The following MEAK7 variants were observed in gnomAD, a reference collection of about 807,000 sequenced individuals.
MEAK7 encodes the protein MTOR associated protein MEAK7, also known as MTOR-associated protein MEAK7.
Under a neutral mutation model 40.5 loss-of-function variants are expected in MEAK7, and 68 were observed. The ratio of observed to expected loss-of-function variants is 1.68; its 90% CI spans 1.38 to 2.06. MEAK7 has a LOEUF of 2.06. MEAK7 is among the 30% of genes most tolerant of loss of function. MEAK7 has a pLI of 0.00. For missense variants in MEAK7, 918 were observed against 580.5 expected, an observed-to-expected ratio of 1.58 and a Z score of -5.98; for synonymous variants, 338 against 231.9, an observed-to-expected ratio of 1.46 and a Z score of -4.16.
intron 3 of MEAK7, among the ~76,000 whole-genome samples, chr16:84,490,280 GAAAA>G (rs57264146): frequency 7.1e-6 from 1 of 141,162 alleles, no homozygotes. Context: ...ATAGCTGGGG[GAAAA>G]AAAAAAAAAA....
At chr16:84,503,815 A>G (rs1914683945) in intron 1 of MEAK7, 27 of 499,054 alleles carry the variant, frequency 5.4e-5, no homozygotes, top group Non-Finnish European at 6.7e-5. Context: ...TCCCACTAGT[A>G]TCCTAGGAAT....
In MEAK7 at chr16:84,479,883, T is replaced by C; in HGVS notation, c.*30A>G. On this transcript the variant is annotated 3_prime_UTR_variant, in exon 8 of 8. Coordinates refer to ENST00000343629, the MANE Select transcript of MEAK7 (RefSeq NM_020947.4). The stretch of plus-strand genomic sequence containing the variant: ...TGCCCTCTACCCAGAGGAATCCAGG[T>C]CCTGGCTCCAGGAAGGCTCAGGCGG... The C allele has an allele frequency of 6.4e-7, 1 of 1,553,164 alleles. No homozygotes were observed. The highest frequency in any genetic ancestry group is 8.8e-7 in the Non-Finnish European group (1 of 1,138,678).
intron 1 of MEAK7, 126 bp from the exon 2 acceptor site, chr16:84,498,237 C>T: frequency 1.8e-6 from 2 of 1,139,082 alleles, no homozygotes; most frequent in African/African-American, 3.1e-5. Flanking sequence ...TAAAACACAT[C>T]AGAGCTACAT....
At position 84,489,373 on chromosome 16, in the gene MEAK7, T is replaced by G; in HGVS notation, c.434A>C (p.Gln145Pro). 1.2e-6 allele frequency: 2 copies of G among 1,614,166 alleles called. No individual in the cohort carries two copies. The highest frequency in any genetic ancestry group is 1.7e-6 in the Non-Finnish European group (2 of 1,180,012). The change falls in exon 4 of 8, where the codon CAG (glutamine) becomes CCG (proline). Residue 145 changes from glutamine (Q) to proline (P), a missense_variant. Gln to Pro is a moderately conservative substitution (Grantham distance 76). Transcript: ENST00000343629. Reference protein sequence around the residue: ...GSVVHVLSHRQELRGWTGKEA... With the variant: ...GSVVHVLSHRPELRGWTGKEA... ...CTTCCCAGTCCAGCCTCTCAGCTCCTGTCTGTGGCTTAGCACGTGCACCAC... is the reference window on the plus strand; with the variant it reads ...CTTCCCAGTCCAGCCTCTCAGCTCCGGTCTGTGGCTTAGCACGTGCACCAC...
chr16:84,502,070 G>A (rs1465918792), intron 1 of MEAK7, among the ~76,000 whole-genome samples: 4 of 152,244 alleles, frequency 2.6e-5, no homozygotes, highest in African/African-American at 9.6e-5. Context: ...CTTGAACCCA[G>A]GGGGCGGAGG....
rs142147481 is a variant in MEAK7, at chr16:84,481,047, C to T, written c.1078-339G>A. On this transcript the variant is annotated intron_variant, in intron 6 of 7. Transcript: ENST00000343629. ...AGACCTCCAGGGCCCAGGGCCCCGC[C>T]CAGTTAAGATAAGGGGAGAGGTGAA... Among the ~76,000 whole-genome samples the T allele has an allele frequency of 6.2e-3, 802 of 130,314 alleles. 12 individuals carry two copies. Among genetic ancestry groups the T allele is most frequent in the African/African-American group, 0.019 (764 of 39,382 alleles). The allele number at this position is 130,314 out of a possible 152,430, so 85.5% of individuals were successfully genotyped here. A position where few individuals can be genotyped will look rare whatever the true frequency, so the allele number is the denominator to read the frequency against.
chr16:84,497,733 G>A (rs564227902), intron 2 of MEAK7: 53 of 1,356,760 alleles, frequency 3.9e-5, no homozygotes, highest in African/African-American at 2.9e-4. Flanking sequence ...ACACAGTAAC[G>A]GCAGAGCAGA....
rs947349270 is a variant in MEAK7, at chr16:84,479,182, C to T, written c.*731G>A. 6.6e-6 allele frequency: 1 copy of T among 152,226 alleles called. No homozygotes were observed. Among genetic ancestry groups the T allele is most frequent in the African/African-American group, 2.4e-5 (1 of 41,452 alleles). 9.4% of individuals were successfully genotyped at this position (152,226 alleles called of 1,614,324 possible). Reference sequence around the variant, plus strand: ...CCTGCCTCCATTTCCCCATTTTATACACAGTTCATGCTTTTAAATACAGAA... The same window carrying T: ...CCTGCCTCCATTTCCCCATTTTATATACAGTTCATGCTTTTAAATACAGAA... On this transcript the variant is annotated 3_prime_UTR_variant, in exon 8 of 8. Coordinates refer to ENST00000343629, the MANE Select transcript of MEAK7 (RefSeq NM_020947.4).
At chr16:84,489,548 C>T in intron 3 of MEAK7, 126 bp from the exon 4 acceptor site, 1 of 1,119,646 alleles carries the variant, frequency 8.9e-7, no homozygotes, top group Non-Finnish European at 1.3e-6. Flanking sequence ...GGGGAAAGGT[C>T]ATGCAATGTA....
In MEAK7 at chr16:84,488,347, C is replaced by T. The variant is rs573295782; in HGVS notation, c.529+931G>A. 10 of 152,170 alleles carry T rather than the reference C, an allele frequency of 6.6e-5. No homozygotes were observed. In the South Asian group the frequency reaches 2.1e-3, roughly 32 times the overall value. 9.4% of individuals were successfully genotyped at this position (152,170 alleles called of 1,614,324 possible). On this transcript the variant is annotated intron_variant, in intron 4 of 7. Coordinates refer to ENST00000343629, the MANE Select transcript of MEAK7 (RefSeq NM_020947.4). ...AAATATAACCTATTTTCAAGCTGTA[C>T]TTTAAAATCTGGCTTTAAAACAAAA...
chr16:84,491,792 G>A (rs9939061), intron 3 of MEAK7, among the ~76,000 whole-genome samples: 4,465 of 149,914 alleles, frequency 0.03, 260 homozygotes, highest in African/African-American at 0.1. Context: ...GACTGAGATC[G>A]CGCCACTGCA....
chr16:84,486,710 C>A lies in MEAK7; in HGVS notation c.879G>T (p.Val293=). The change falls in exon 5 of 8, where the codon GTG becomes GTT. Residue 293 remains valine, a synonymous_variant. Coordinates refer to ENST00000343629, the MANE Select transcript of MEAK7 (RefSeq NM_020947.4). The part of the protein sequence containing the change: ...CGHITHRGPC[V]AVLEDHDKHV... ...GCTTGTCATGGTCCTCGAGGACAGC[C>A]ACACAGGGTCCCCGGTGAGTGATGT... The A allele has an allele frequency of 6.2e-7, 1 of 1,614,048 alleles. No homozygotes were observed. The highest frequency in any genetic ancestry group is 8.5e-7 in the Non-Finnish European group (1 of 1,179,896).
intron 4 of MEAK7, chr16:84,487,650 G>C (rs527772153): frequency 6.5e-6 from 1 of 153,650 alleles, no homozygotes; most frequent in African/African-American, 2.4e-5. Context: ...GGAAGTGCGG[G>C]TTTCATTCGC....
chr16:84,481,281 A>G (rs1912518405), intron 6 of MEAK7, among the ~76,000 whole-genome samples: 1 of 152,208 alleles, frequency 6.6e-6, no homozygotes, highest in African/African-American at 2.4e-5. Context: ...CTCACCCTGC[A>G]GAGAACCTCC....
At position 84,486,903 on chromosome 16, in the gene MEAK7, G is replaced by A. The variant is rs1409951031; in HGVS notation, c.686C>T (p.Thr229Ile). 1.5e-5 allele frequency: 24 copies of A among 1,614,086 alleles called. No homozygotes were observed. Among genetic ancestry groups the A allele is most frequent in the Non-Finnish European group, 1.9e-5 (23 of 1,180,042 alleles). Residue 229 changes from threonine to isoleucine, a missense_variant, in exon 5 of 8, where the codon ACC becomes ATC. Transcript: ENST00000343629. ...LILCSSLDLT[T>I]LVPERQVDQG... ...GTCCACTTGACGCTCAGGGACCAGG[G>A]TAGTCAGATCAAGAGACGAGCACAG...
intron 6 of MEAK7, among the ~76,000 whole-genome samples, chr16:84,481,612 C>T (rs543940545): frequency 9.2e-5 from 14 of 152,294 alleles, no homozygotes; most frequent in Non-Finnish European, 1.8e-4. Flanking sequence ...CTCAGCTCTG[C>T]AGAAACAGGG....
chr16:84,480,577 A>G lies in MEAK7; in HGVS notation c.1209T>C (p.Phe403=). 1 of 1,613,982 alleles carries G rather than the reference A, an allele frequency of 6.2e-7. No homozygotes were observed. Among genetic ancestry groups the G allele is most frequent in the Non-Finnish European group, 8.5e-7 (1 of 1,179,950 alleles). Residue 403 remains phenylalanine (F), a synonymous_variant, in exon 7 of 8, where the codon TTT becomes TTC. Transcript: ENST00000343629. ...CAACCGCCCACACCTCCATCTTATC[A>G]AACTGGAAGTTCTCCTGAGCCGACA... The part of the protein sequence containing the change: ...PQLSAQENFQ[F]DKMEVWAVGD...
rs1913106240 is a variant in MEAK7 at position 84,486,779 on chromosome 16, A to G, written c.810T>C (p.Phe270=). 2.5e-6 allele frequency: 4 copies of G among 1,614,004 alleles called. No individual in the cohort carries two copies. The highest frequency in any genetic ancestry group is 3.4e-6 in the Non-Finnish European group (4 of 1,179,908). The change falls in exon 5 of 8, where the codon TTT becomes TTC. Residue 270 remains phenylalanine, a synonymous_variant. Transcript: ENST00000343629. ...AGCTGTGTCCATGGAGCTCAGACGAAAAGAGCAGGCACCAGCGGTGCCGCT... is the reference window on the plus strand; with the variant it reads ...AGCTGTGTCCATGGAGCTCAGACGAGAAGAGCAGGCACCAGCGGTGCCGCT... ...REQRHRWCLL[F]SSELHGHSFS... is the part of the protein sequence containing the mutation.
chr16:84,480,809 G>A (rs2150622401), intron 6 of MEAK7, 101 bp from the exon 7 acceptor site: 1 of 1,336,104 alleles, frequency 7.5e-7, no homozygotes, highest in Non-Finnish European at 1.0e-6. Flanking sequence ...ACCAGCCTGA[G>A]ACAGGGGCGG....
Sources: allele counts gnomAD v4.1 joint callset (sites outside exome capture counted in the v4.1 genomes callset), GRCh38; gene constraint gnomAD v4.1.1; transcripts MANE v1.5; gene names NCBI Gene and HGNC (gene_info 2026-07-23, HGNC 2026-07-21).